The following EPHA7 variants were observed in gnomAD, a reference collection of about 807,000 sequenced individuals.
EPHA7 encodes EPH receptor A7.
A neutral mutation model predicts 112.6 loss-of-function variants in EPHA7; 25 were observed. The observed-to-expected ratio is 0.22, with a 90% CI of 0.16 to 0.31. The LOEUF (loss-of-function observed/expected upper bound fraction) is 0.31, where lower values mean the gene tolerates loss of function less well. EPHA7 is among the 10% of genes least tolerant of loss of function. EPHA7 has a pLI of 1.00. For synonymous variants in EPHA7, 437 were observed against 406.5 expected, an observed-to-expected ratio of 1.07 and a Z score of -0.90; for missense variants, 962 against 1,212.6, an observed-to-expected ratio of 0.79 and a Z score of 3.07.
At chr6:93,363,144 T>C (rs1311390092) in intron 3 of EPHA7, among the ~76,000 whole-genome samples, 2 of 152,116 alleles carry the variant, frequency 1.3e-5, no homozygotes, top group Non-Finnish European at 2.9e-5. Context: ...ATGTCTTGAC[T>C]CTATCCAAAT....
intron 5 of EPHA7, among the ~76,000 whole-genome samples, chr6:93,316,154 T>G (rs1004906476): frequency 2.6e-5 from 4 of 152,136 alleles, no homozygotes; most frequent in African/African-American, 7.2e-5. Flanking sequence ...AGCTAACAGA[T>G]CCTTAAAATG....
At position 93,246,897 on chromosome 6, in the gene EPHA7, T is replaced by G. The variant is rs745373107; in HGVS notation, c.2621A>C (p.Gln874Pro). Reference sequence around the variant, plus strand: ...TTTTGGCCTTTCAGCACGCTCCTTTTGCCAACAATCCAACATTAGCTGGTG... The same window carrying G: ...TTTTGGCCTTTCAGCACGCTCCTTTGGCCAACAATCCAACATTAGCTGGTG... ...GLHQLMLDCW[Q>P]KERAERPKFE... Residue 874 changes from glutamine to proline, a missense_variant, in exon 15 of 17, where the codon CAA becomes CCA. Physicochemically the swap from Gln to Pro is moderately conservative, Grantham distance 76. Around this residue, in one of 3 missense-constraint regions of EPHA7, gnomAD observed 746 missense variants for 889.2 expected, o/e 0.84. Coordinates refer to ENST00000369303, the MANE Select transcript of EPHA7 (RefSeq NM_004440.4). 5 of 1,613,976 alleles carry G rather than the reference T, an allele frequency of 3.1e-6. No individual in the cohort carries two copies. Among genetic ancestry groups the G allele is most frequent in the Non-Finnish European group, 3.4e-6 (4 of 1,179,870 alleles).
intron 5 of EPHA7, among the ~76,000 whole-genome samples, chr6:93,354,747 A>G (rs139761632): frequency 1.6e-3 from 249 of 152,110 alleles, no homozygotes; most frequent in African/African-American, 5.8e-3. Flanking sequence ...AGAAACTTAC[A>G]GAAATTTGAT....
chr6:93,362,988 A>G (rs977293338), intron 3 of EPHA7, among the ~76,000 whole-genome samples: 1 of 152,044 alleles, frequency 6.6e-6, no homozygotes, highest in African/African-American at 2.4e-5. Context: ...CCTGATCCTT[A>G]ATGGACTGAT....
intron 5 of EPHA7, among the ~76,000 whole-genome samples, chr6:93,333,470 T>C (rs1774705456): frequency 6.6e-6 from 1 of 152,048 alleles, no homozygotes; most frequent in Admixed American, 6.6e-5. Flanking sequence ...CACACTGCTT[T>C]CCACAATGGC....
intron 9 of EPHA7, among the ~76,000 whole-genome samples, chr6:93,263,161 G>C (rs780227286): frequency 6.6e-6 from 1 of 151,294 alleles, no homozygotes; most frequent in Non-Finnish European, 1.5e-5. Context: ...TTGGTTGTTA[G>C]GTTTTGATTT....
chr6:93,371,451 T>A (rs1776793037), intron 3 of EPHA7, among the ~76,000 whole-genome samples: 1 of 152,148 alleles, frequency 6.6e-6, no homozygotes, highest in Non-Finnish European at 1.5e-5. Context: ...ATAAGGGACT[T>A]AAGCATCTGT....
intron 5 of EPHA7, among the ~76,000 whole-genome samples, chr6:93,307,963 T>C (rs1773341059): frequency 6.6e-6 from 1 of 152,214 alleles, no homozygotes; most frequent in South Asian, 2.1e-4. Flanking sequence ...ATTTGTGCAC[T>C]TTTGTTCAGA....
At position 93,334,825 on chromosome 6, in the gene EPHA7, T is replaced by TCA. The variant is rs1224873215; in HGVS notation, c.1324+21890_1324+21891dup. Among the ~76,000 whole-genome samples, 6 of 152,228 alleles carry TCA rather than the reference T, an allele frequency of 3.9e-5. No homozygotes were observed. In the East Asian group the frequency reaches 1.2e-3, roughly 29 times the overall value. ...ATAACCATGAACATATTTGCATGTT[T>TCA]CACCTTTAAACTTAATCCAAAACTA... On this transcript the variant is annotated intron_variant, in intron 5 of 16. Transcript: ENST00000369303.
chr6:93,253,462 ATGTT>A (rs1770304628), intron 14 of EPHA7, among the ~76,000 whole-genome samples: 1 of 151,258 alleles, frequency 6.6e-6, no homozygotes, highest in Non-Finnish European at 1.5e-5. Flanking sequence ...AACAGTCTAA[ATGTT>A]AGTTGTCTAA....
chr6:93,400,129 A>G (rs1035729933), intron 3 of EPHA7, among the ~76,000 whole-genome samples: 2 of 152,098 alleles, frequency 1.3e-5, no homozygotes, highest in Non-Finnish European at 2.9e-5. Flanking sequence ...AAATAGGGAC[A>G]TTATATAATA....
chr6:93,400,034 G>A (rs768197871), intron 3 of EPHA7, among the ~76,000 whole-genome samples: 3 of 152,014 alleles, frequency 2.0e-5, no homozygotes, highest in Non-Finnish European at 4.4e-5. Context: ...TATAAAGAGT[G>A]TATCATATCT....
At chr6:93,331,998 T>C (rs986715931) in intron 5 of EPHA7, among the ~76,000 whole-genome samples, 3 of 151,660 alleles carry the variant, frequency 2.0e-5, no homozygotes, top group Non-Finnish European at 4.4e-5. Context: ...ATACATACTA[T>C]ACAACTGCTA....
At chr6:93,333,126 A>C (rs1774683472) in intron 5 of EPHA7, among the ~76,000 whole-genome samples, 2 of 151,820 alleles carry the variant, frequency 1.3e-5, no homozygotes, top group Non-Finnish European at 2.9e-5. Context: ...GTAAGTGAGA[A>C]CATGTACCAT....
intron 5 of EPHA7, among the ~76,000 whole-genome samples, chr6:93,286,953 T>A (rs940977040): frequency 6.6e-6 from 1 of 152,158 alleles, no homozygotes; most frequent in African/African-American, 2.4e-5. Context: ...TAGTACTTTT[T>A]AAAAGACTTT....
chr6:93,361,346 G>A (rs1158403591), intron 3 of EPHA7, among the ~76,000 whole-genome samples: 1 of 151,948 alleles, frequency 6.6e-6, no homozygotes, highest in African/African-American at 2.4e-5. Context: ...GAGCAATGGT[G>A]TTGAGAGTAA....
chr6:93,320,097 T>G (rs164301), intron 5 of EPHA7, among the ~76,000 whole-genome samples: 93,911 of 151,806 alleles, frequency 0.62, 29,332 homozygotes, highest in African/African-American at 0.72. Context: ...AGCATGTATT[T>G]TGTGCTAGTA....
intron 5 of EPHA7, among the ~76,000 whole-genome samples, chr6:93,324,800 A>G (rs1421981999): frequency 6.6e-6 from 1 of 151,502 alleles, no homozygotes; most frequent in East Asian, 1.9e-4. Context: ...TGAGAACTTC[A>G]TAATTTTTTA....
intron 3 of EPHA7, among the ~76,000 whole-genome samples, chr6:93,359,854 T>TAGAG (rs57690732): frequency 0.083 from 10,312 of 124,790 alleles, 509 homozygotes; most frequent in East Asian, 0.18. Context: ...CAATAGATGA[T>TAGAG]AGAGAGAGAG....
Sources: gnomAD v4.1 joint callset for allele counts (sites outside exome capture counted in the v4.1 genomes callset) on GRCh38, gnomAD v4.1.1 for gene constraint, gnomAD v4.1.1 regional missense constraint, MANE v1.5 for transcripts, NCBI Gene and HGNC (gene_info 2026-07-23, HGNC 2026-07-21) for gene names.